Variants in ATE1 observed in about 807,000 individuals in gnomAD.
ATE1 encodes arginyl-tRNA--protein transferase 1.
Under a neutral mutation model 70.5 loss-of-function variants are expected in ATE1, and 36 were observed. That is an observed-to-expected ratio of 0.51 (90% CI 0.39 to 0.67). The LOEUF (loss-of-function observed/expected upper bound fraction) is 0.67. Among genes scored for constraint, ATE1 ranks in the 30% least tolerant of loss-of-function variants. ATE1 has a pLI of 0.00. For synonymous variants in ATE1, 232 were observed against 219.3 expected (o/e 1.06, Z -0.51); for missense variants, 593 against 629.5 (o/e 0.94, Z 0.62).
intron 8 of ATE1, among the ~76,000 whole-genome samples, chr10:121,849,339 C>A (rs1948967280): frequency 6.6e-6 from 1 of 152,158 alleles, no homozygotes; most frequent in Non-Finnish European, 1.5e-5. Flanking sequence ...GTTCAAACTA[C>A]AATTACCTTC....
At chr10:121,803,360 G>A (rs1009960201) in intron 10 of ATE1, among the ~76,000 whole-genome samples, 2 of 152,136 alleles carry the variant, frequency 1.3e-5, no homozygotes, top group Admixed American at 6.5e-5. Flanking sequence ...TTTAAAAGGA[G>A]GAGGGAGGGA....
chr10:121,875,749 G>A (rs148153133), intron 7 of ATE1, among the ~76,000 whole-genome samples: 3 of 152,144 alleles, frequency 2.0e-5, no homozygotes, highest in South Asian at 2.1e-4. Context: ...ACTATATAGC[G>A]GCCTCACCTC....
intron 10 of ATE1, among the ~76,000 whole-genome samples, chr10:121,820,250 T>C (rs938132314): frequency 1.3e-5 from 2 of 152,182 alleles, no homozygotes; most frequent in Non-Finnish European, 2.9e-5. Flanking sequence ...GATGAAAATT[T>C]CCTAATCAAT....
At chr10:121,775,445 C>T (rs1053096142) in intron 11 of ATE1, among the ~76,000 whole-genome samples, 3 of 151,974 alleles carry the variant, frequency 2.0e-5, no homozygotes, top group Non-Finnish European at 4.4e-5. Flanking sequence ...AACCAATGTG[C>T]ACATCTGCAC....
chr10:121,888,460 C>T (rs1227999861), intron 7 of ATE1, among the ~76,000 whole-genome samples: 1 of 152,018 alleles, frequency 6.6e-6, no homozygotes, highest in African/African-American at 2.4e-5. Context: ...AGTGAGCAAA[C>T]CAAGTGACAA....
intron 8 of ATE1, 111 bp downstream of exon 8, chr10:121,869,895 T>C (rs1949791725): frequency 3.0e-6 from 3 of 994,600 alleles, no homozygotes; most frequent in African/African-American, 3.2e-5. Flanking sequence ...AGAATATATG[T>C]GTCCCACCAA....
intron 10 of ATE1, among the ~76,000 whole-genome samples, chr10:121,822,762 T>G (rs1387666901): frequency 6.6e-6 from 1 of 152,174 alleles, no homozygotes; most frequent in African/African-American, 2.4e-5. Context: ...AAAAAAATTT[T>G]TTTTAATTCC....
chr10:121,861,605 G>C (rs1229574142), intron 8 of ATE1, among the ~76,000 whole-genome samples: 1 of 142,072 alleles, frequency 7.0e-6, no homozygotes, highest in Non-Finnish European at 1.5e-5. Context: ...GGTGGCGGGA[G>C]GGGGGAGGGG....
intron 1 of ATE1, 144 bp downstream of exon 1, chr10:121,927,700 G>C (rs111968913): frequency 3.8e-6 from 5 of 1,327,242 alleles, no homozygotes; most frequent in Non-Finnish European, 4.8e-6. Flanking sequence ...AGCCGGCGCC[G>C]CGGCCCTCCC....
intron 10 of ATE1, among the ~76,000 whole-genome samples, chr10:121,802,317 T>C (rs1194429267): frequency 3.3e-5 from 5 of 149,298 alleles, no homozygotes; most frequent in African/African-American, 9.8e-5. Flanking sequence ...TACTCCACTT[T>C]TTTTTTTTTT....
At chr10:121,834,731 C>A (rs1948371415) in intron 10 of ATE1, among the ~76,000 whole-genome samples, 5 of 151,804 alleles carry the variant, frequency 3.3e-5, no homozygotes, top group Admixed American at 3.3e-4. Flanking sequence ...AGAAAAAAAA[C>A]AAAGACCCAG....
At position 121,780,884 on chromosome 10, in the gene ATE1, T is replaced by C. The variant is rs79660823; in HGVS notation, c.1378+9285A>G. On this transcript the variant is annotated intron_variant, in intron 11 of 11. Transcript: ENST00000224652. ...TTCTCCCACATGCTACTTGTCACAC[T>C]TATCTGAGTGTGCTTGATAACTGTC... Among the ~76,000 whole-genome samples the C allele has an allele frequency of 1.4e-4, 22 of 152,330 alleles. No homozygotes were observed. In the East Asian group the frequency reaches 4.2e-3, roughly 29 times the overall value.
At chr10:121,856,790 C>T (rs1329250641) in intron 8 of ATE1, among the ~76,000 whole-genome samples, 1 of 152,150 alleles carries the variant, frequency 6.6e-6, no homozygotes, top group African/African-American at 2.4e-5. Context: ...AGGATTGCCA[C>T]AAACCTTCAA....
intron 8 of ATE1, among the ~76,000 whole-genome samples, chr10:121,866,570 G>A (rs1213914959): frequency 8.6e-5 from 13 of 152,044 alleles, no homozygotes; most frequent in Admixed American, 2.0e-4. Context: ...ATTTGTGGCC[G>A]GGCGCAGTGG....
intron 8 of ATE1, among the ~76,000 whole-genome samples, chr10:121,863,758 C>T (rs114275866): frequency 0.014 from 2,144 of 152,230 alleles, 44 homozygotes; most frequent in African/African-American, 0.049. Context: ...TACAGGCACA[C>T]GCCACTACGC....
At chr10:121,886,732 CTT>C (rs1488302939) in intron 7 of ATE1, among the ~76,000 whole-genome samples, 1 of 152,150 alleles carries the variant, frequency 6.6e-6, no homozygotes, top group African/African-American at 2.4e-5. Context: ...GAACTTAACT[CTT>C]GTTTATATCA....
intron 10 of ATE1, among the ~76,000 whole-genome samples, chr10:121,791,327 C>T (rs1235675098): frequency 6.6e-6 from 1 of 151,936 alleles, no homozygotes; most frequent in Non-Finnish European, 1.5e-5. Context: ...CTCCTGACCT[C>T]AGGTGATCCG....
intron 8 of ATE1, among the ~76,000 whole-genome samples, chr10:121,869,298 C>T (rs1484817594): frequency 6.6e-6 from 1 of 152,228 alleles, no homozygotes; most frequent in African/African-American, 2.4e-5. Context: ...TAAGTCCCAC[C>T]ACTTCTTCAC....
chr10:121,778,570 T>A (rs1177003520), intron 11 of ATE1, among the ~76,000 whole-genome samples: 15 of 33,604 alleles, frequency 4.5e-4, no homozygotes, highest in African/African-American at 2.3e-3. Flanking sequence ...CCAGCTTTTT[T>A]TTTTTTTTTT....
Sources: gnomAD v4.1 joint callset for allele counts (sites outside exome capture counted in the v4.1 genomes callset) on GRCh38, gnomAD v4.1.1 for gene constraint, MANE v1.5 for transcripts, NCBI Gene and HGNC (gene_info 2026-07-23, HGNC 2026-07-21) for gene names.